Variants in LTBR observed in about 807,000 individuals in gnomAD.
LTBR encodes the protein tumor necrosis factor receptor superfamily member 3.
Under a neutral mutation model 45.4 loss-of-function variants are expected in LTBR, and 15 were observed. The ratio of observed to expected loss-of-function variants is 0.33; its 90% CI spans 0.22 to 0.51. The LOEUF (loss-of-function observed/expected upper bound fraction) is 0.51, where lower values mean the gene tolerates loss of function less well. LTBR is among the 20% of genes least tolerant of loss of function. The probability of loss-of-function intolerance (pLI) is 0.97; values close to 1 mark genes in which losing one functional copy is unlikely to be tolerated. For missense variants in LTBR, 450 were observed against 565.5 expected (o/e 0.80, Z 2.07); for synonymous variants, 228 against 231.0 (o/e 0.99, Z 0.12).
chr12:6,388,564 C>A lies in LTBR; in HGVS notation c.775+59C>A. The A allele has an allele frequency of 6.9e-7, 1 of 1,459,660 alleles. No individual in the cohort carries two copies. The highest frequency in any genetic ancestry group is 1.1e-5 in the South Asian group (1 of 87,514). 90.4% of individuals were successfully genotyped at this position (1,459,660 alleles called of 1,614,324 possible). Reference sequence around the variant, plus strand: ...AATGGGAGCCGGAGGGAGGAATATTCAACTTCCCCGGTGCAACCCTCCACA... The same window carrying A: ...AATGGGAGCCGGAGGGAGGAATATTAAACTTCCCCGGTGCAACCCTCCACA... On this transcript the variant is annotated intron_variant, in intron 7 of 9. Transcript: ENST00000228918. The surrounding 1 kb of genome is among the most constrained non-coding windows in gnomAD (Gnocchi z 4.3).
Position 6,386,610 on chromosome 12 carries a change from C to T in LTBR, c.667+166C>T. On this transcript the variant is annotated intron_variant, in intron 6 of 9. Coordinates refer to ENST00000228918, the MANE Select transcript of LTBR (RefSeq NM_002342.3). The surrounding 1 kb of genome is among the most constrained non-coding windows in gnomAD (Gnocchi z 4.1). Reference sequence around the variant, plus strand: ...GAGTATCTCTAGGCTAGTTTACACACACACACACACACACACACACACACA... The same window carrying T: ...GAGTATCTCTAGGCTAGTTTACACATACACACACACACACACACACACACA... The T allele has an allele frequency of 1.9e-6, 1 of 523,718 alleles. No individual in the cohort carries two copies. The allele number at this position is 523,718 out of a possible 1,614,324, so 32.4% of individuals were successfully genotyped here. A position where few individuals can be genotyped will look rare whatever the true frequency, so the allele number is the denominator to read the frequency against.
chr12:6,382,166 GAA>G (rs911526767), upstream of LTBR, among the ~76,000 whole-genome samples: 24 of 152,194 alleles, frequency 1.6e-4, no homozygotes, highest in African/African-American at 5.8e-4. Flanking sequence ...GGGAAAAAAA[GAA>G]AAATAGAATA....
At chr12:6,385,579 T>C (rs1949030792) in intron 4 of LTBR, 200 bp downstream of exon 4, 1 of 679,500 alleles carries the variant, frequency 1.5e-6, no homozygotes, top group Non-Finnish European at 2.4e-6. Flanking sequence ...ACACAGGAGG[T>C]GGTTCTTCTC....
chr12:6,379,311 G>A (rs77367957), upstream of LTBR, among the ~76,000 whole-genome samples: 1,047 of 152,170 alleles, frequency 6.9e-3, 11 homozygotes, highest in African/African-American at 0.023. Flanking sequence ...GATATGCTAC[G>A]AAAAAGCATC....
chr12:6,390,348 T>TG lies in LTBR; in HGVS notation c.1030+12dup. The stretch of plus-strand genomic sequence containing the variant: ...AGAGCCAGGTGGCCCACGGTGAGCC[T>TG]GGGGCAGGGAGAAGAGAGGAAGGAT... On this transcript the variant is annotated intron_variant, in intron 9 of 9. Coordinates refer to ENST00000228918, the MANE Select transcript of LTBR (RefSeq NM_002342.3). The TG allele has an allele frequency of 6.3e-7, 1 of 1,579,888 alleles. No individual in the cohort carries two copies. Among genetic ancestry groups the TG allele is most frequent in the Non-Finnish European group, 8.6e-7 (1 of 1,159,698 alleles).
chr12:6,388,376 C>T lies in LTBR; in HGVS notation c.668-22C>T, dbSNP rs1476195631. Reference sequence around the variant, plus strand: ...TGCCCTTCTTGGGGCTGTGATCACCCTCCTGTCTGCTGTCCTGGCAGGAAC... The same window carrying T: ...TGCCCTTCTTGGGGCTGTGATCACCTTCCTGTCTGCTGTCCTGGCAGGAAC... On this transcript the variant is annotated intron_variant, in intron 6 of 9. Transcript: ENST00000228918. This position sits in a 1 kb window ranked among gnomAD's most constrained non-coding sequence, Gnocchi z 4.3. The T allele has an allele frequency of 1.3e-6, 2 of 1,580,780 alleles. No individual in the cohort carries two copies. Among genetic ancestry groups the T allele is most frequent in the Non-Finnish European group, 1.7e-6 (2 of 1,150,368 alleles).
chr12:6,384,858 T>G, intron 2 of LTBR, 164 bp from the exon 3 acceptor site: 1 of 1,031,842 alleles, frequency 9.7e-7, no homozygotes, highest in East Asian at 2.5e-5. Context: ...CCCTCCCCAC[T>G]GGGCCTCCTC....
Position 6,388,364 on chromosome 12 carries a change from G to T in LTBR, c.668-34G>T, listed in dbSNP as rs770519278. ...CCTCCTCCCCTCTGCCCTTCTTGGG[G>T]CTGTGATCACCCTCCTGTCTGCTGT... is the stretch of plus-strand genomic sequence containing the variant. On this transcript the variant is annotated intron_variant, in intron 6 of 9. Transcript: ENST00000228918. The surrounding 1 kb of genome is among the most constrained non-coding windows in gnomAD (Gnocchi z 4.3). 6.6e-7 allele frequency: 1 copy of T among 1,516,244 alleles called. No individual in the cohort carries two copies. The highest frequency in any genetic ancestry group is 2.3e-5 in the East Asian group (1 of 44,430). 93.9% of individuals were successfully genotyped at this position (1,516,244 alleles called of 1,614,324 possible). A position where few individuals can be genotyped will look rare whatever the true frequency, so the allele number is the denominator to read the frequency against.
intron 1 of LTBR, chr12:6,377,147 G>A: frequency 1.1e-6 from 1 of 881,354 alleles, no homozygotes; most frequent in Non-Finnish European, 1.8e-6. Flanking sequence ...TCCAGGCTCA[G>A]GGTCCAACCT....
rs1457696502 is a variant in LTBR, at chr12:6,384,728, C to A, written c.193+44C>A. The A allele has an allele frequency of 4.5e-6, 7 of 1,569,606 alleles. No homozygotes were observed. The South Asian group carries it at 6.7e-5, about 15-fold the overall frequency. ...ACGAACCTGGGCCTCGGAAGTGGGT[C>A]ACGGGGGCTCCAGCCCCCTCGCGGC... On this transcript the variant is annotated intron_variant, in intron 2 of 9. Transcript: ENST00000228918.
intron 6 of LTBR, chr12:6,387,109 A>G (rs1949058252): frequency 6.6e-6 from 1 of 152,242 alleles, no homozygotes; most frequent in African/African-American, 2.4e-5. Flanking sequence ...CACTGGTGTT[A>G]TTAGAACCTG....
Position 6,385,108 on chromosome 12 carries a change from T to C in LTBR, c.280T>C (p.Tyr94His), listed in dbSNP as rs752436175. Residue 94 changes from tyrosine (Y) to histidine (H), a missense_variant, in exon 3 of 10, where the codon TAC becomes CAC. Physicochemically the swap from Tyr to His is moderately conservative, Grantham distance 83. Transcript: ENST00000228918. The stretch of plus-strand genomic sequence containing the variant: ...GAATTCCTACAACGAGCACTGGAAC[T>C]ACCTGACCATCTGCCAGCTGTGCCG... ...AENSYNEHWN[Y>H]LTICQLCRPC... 6.2e-7 allele frequency: 1 copy of C among 1,614,106 alleles called. No individual in the cohort carries two copies. Among genetic ancestry groups the C allele is most frequent in the African/African-American group, 1.3e-5 (1 of 74,940 alleles).
upstream of LTBR, among the ~76,000 whole-genome samples, chr12:6,383,815 T>C (rs1339162426): frequency 6.6e-6 from 1 of 152,210 alleles, no homozygotes; most frequent in Non-Finnish European, 1.5e-5. Context: ...GCCCTCTCCA[T>C]GACTGCCCGT....
Position 6,386,742 on chromosome 12 carries a change from A to C in LTBR, c.667+298A>C. On this transcript the variant is annotated intron_variant, in intron 6 of 9. Transcript: ENST00000228918. This position sits in a 1 kb window ranked among gnomAD's most constrained non-coding sequence, Gnocchi z 4.1. ...ATTTTGGGCTTACCAACATTACACA[A>C]TCCGTTTTTTTTTTTCACACAATCC... 1 of 306,676 alleles carries C rather than the reference A, an allele frequency of 3.3e-6. No individual in the cohort carries two copies. The highest frequency in any genetic ancestry group is 6.0e-6 in the Non-Finnish European group (1 of 167,350). 19.0% of individuals were successfully genotyped at this position (306,676 alleles called of 1,614,324 possible).
upstream of LTBR, among the ~76,000 whole-genome samples, chr12:6,383,201 T>G (rs1949001696): frequency 6.6e-6 from 1 of 150,814 alleles, no homozygotes; most frequent in Non-Finnish European, 1.5e-5. Flanking sequence ...CAAGGACAGG[T>G]GGGAGTTAGG....
rs372410235 is a variant in LTBR at position 6,375,727 on chromosome 12, G to A, written c.39+133G>A. ...CGGACTCTGGGCAGGGGCTTTAGAC[G>A]CAGACAGGCAAGGAGGCTGGGGGAC... On this transcript the variant is annotated intron_variant, in intron 1 of 9. Coordinates refer to the LTBR transcript ENST00000539925. 559 of 1,422,870 alleles carry A rather than the reference G, an allele frequency of 3.9e-4. 1 individual carries two copies. The highest frequency in any genetic ancestry group is 6.6e-4 in the African/African-American group (45 of 68,136). The allele number at this position is 1,422,870 out of a possible 1,614,324, so 88.1% of individuals were successfully genotyped here.
rs1175588985 is a variant in LTBR at position 6,388,864 on chromosome 12, A to C, written c.801+39A>C. The C allele has an allele frequency of 1.2e-6, 2 of 1,613,078 alleles. No individual in the cohort carries two copies. The highest frequency in any genetic ancestry group is 2.7e-5 in the African/African-American group (2 of 74,910). ...CTGAGAAGGCAGCAAGAAGGGGAAG[A>C]GGTGATGAGGGTACAAGGTGGAGCA... On this transcript the variant is annotated intron_variant, in intron 8 of 9. Transcript: ENST00000228918. This position sits in a 1 kb window ranked among gnomAD's most constrained non-coding sequence, Gnocchi z 4.3.
intron 1 of LTBR, chr12:6,375,854 C>A: frequency 6.1e-6 from 8 of 1,317,540 alleles, no homozygotes; most frequent in Non-Finnish European, 7.7e-6. Context: ...GCTGAGAGGG[C>A]CTGGGTGGGG....
At chr12:6,390,638 C>T (rs192813161) in intron 9 of LTBR, 22 bp from the exon 10 acceptor site, 3 of 1,498,578 alleles carry the variant, frequency 2.0e-6, no homozygotes, top group Admixed American at 2.3e-5. Context: ...CCTTCCTCAA[C>T]ACTCTGCCTC....
Sources: allele counts gnomAD v4.1 joint callset (sites outside exome capture counted in the v4.1 genomes callset), GRCh38; gene constraint gnomAD v4.1.1; non-coding constraint Gnocchi (gnomAD v3.1); transcripts MANE v1.5; gene names NCBI Gene and HGNC (gene_info 2026-07-23, HGNC 2026-07-21).